The following CNTNAP5 variants were observed in gnomAD, a reference collection of about 807,000 sequenced individuals.
CNTNAP5 encodes contactin-associated protein-like 5.
Under a neutral mutation model 150.2 loss-of-function variants are expected in CNTNAP5, and 72 were observed. The observed-to-expected ratio is 0.48, with a 90% confidence interval of 0.40 to 0.58. The LOEUF is 0.58. CNTNAP5 is among the 20% of genes least tolerant of loss of function. The pLI is 0.00. For synonymous variants in CNTNAP5, 672 were observed against 619.8 expected (o/e 1.08, Z -1.25); for missense variants, 1,636 against 1,626.2 (o/e 1.01, Z -0.10).
intron 18 of CNTNAP5, among the ~76,000 whole-genome samples, chr2:124,791,791 A>G (rs969429090): frequency 4.0e-5 from 6 of 149,074 alleles, no homozygotes; most frequent in African/African-American, 1.5e-4. Context: ...ATGTTGCAAC[A>G]TCTCTGTGCT....
At chr2:124,364,239 C>T (rs1372702906) in intron 3 of CNTNAP5, among the ~76,000 whole-genome samples, 2 of 152,174 alleles carry the variant, frequency 1.3e-5, no homozygotes, top group Non-Finnish European at 2.9e-5. Flanking sequence ...AGGGTCTTTG[C>T]TCTAGCTACT....
intron 1 of CNTNAP5, among the ~76,000 whole-genome samples, chr2:124,219,892 C>G (rs1000721292): frequency 6.6e-6 from 1 of 152,130 alleles, no homozygotes; most frequent in African/African-American, 2.4e-5. Flanking sequence ...TGCCGAGAAA[C>G]CATATCTGCG....
chr2:124,764,986 T>C (rs543990157), intron 16 of CNTNAP5, among the ~76,000 whole-genome samples: 5 of 152,254 alleles, frequency 3.3e-5, no homozygotes, highest in Admixed American at 2.0e-4. Context: ...TTTTTTCATA[T>C]GTTCATGTTC....
chr2:124,589,027 T>G (rs1214610768), intron 11 of CNTNAP5, among the ~76,000 whole-genome samples: 1 of 152,148 alleles, frequency 6.6e-6, no homozygotes, highest in Non-Finnish European at 1.5e-5. Context: ...TTTTCAGGTT[T>G]ATTGAAGCAT....
chr2:124,882,568 A>C (rs1203505126), intron 21 of CNTNAP5, among the ~76,000 whole-genome samples: 2 of 152,106 alleles, frequency 1.3e-5, no homozygotes, highest in Non-Finnish European at 2.9e-5. Flanking sequence ...GATCTTCTCT[A>C]TGAAGGATGA....
intron 4 of CNTNAP5, among the ~76,000 whole-genome samples, chr2:124,429,551 C>T (rs2104789870): frequency 6.6e-6 from 1 of 152,212 alleles, no homozygotes; most frequent in Admixed American, 6.5e-5. Context: ...ATGGCTGGAG[C>T]CTGTTGTGTG....
intron 12 of CNTNAP5, among the ~76,000 whole-genome samples, chr2:124,627,827 T>C (rs1409282101): frequency 1.3e-5 from 2 of 152,144 alleles, no homozygotes; most frequent in African/African-American, 4.8e-5. Flanking sequence ...TGATAAAAGA[T>C]TACAGCAGCT....
At chr2:124,465,768 C>T (rs939317729) in intron 6 of CNTNAP5, among the ~76,000 whole-genome samples, 1 of 152,216 alleles carries the variant, frequency 6.6e-6, no homozygotes, top group Admixed American at 6.5e-5. Flanking sequence ...CCTCATAGTG[C>T]TTGCATTCTA....
At chr2:124,746,361 T>C (rs1355963062) in intron 13 of CNTNAP5, among the ~76,000 whole-genome samples, 1 of 152,156 alleles carries the variant, frequency 6.6e-6, no homozygotes, top group Non-Finnish European at 1.5e-5. Flanking sequence ...AGAAAAAAAT[T>C]GAGAAGGACA....
intron 1 of CNTNAP5, among the ~76,000 whole-genome samples, chr2:124,178,089 C>T (rs781059076): frequency 1.1e-4 from 16 of 151,960 alleles, no homozygotes; most frequent in Admixed American, 2.6e-4. Context: ...TTACGTGATC[C>T]ACCCGCCTCG....
At chr2:124,036,467 A>G (rs10206477) in intron 1 of CNTNAP5, among the ~76,000 whole-genome samples, 22,400 of 151,922 alleles carry the variant, frequency 0.15, 1,830 homozygotes, top group South Asian at 0.29. Context: ...CATGAGTTGT[A>G]CCTTTGAGTG....
At chr2:124,629,760 G>A (rs1677805665) in intron 12 of CNTNAP5, among the ~76,000 whole-genome samples, 1 of 142,244 alleles carries the variant, frequency 7.0e-6, no homozygotes, top group African/African-American at 2.6e-5. Flanking sequence ...AATAATCAAT[G>A]GATCCAGGAG....
At chr2:124,467,159 T>A (rs1693396742) in intron 6 of CNTNAP5, among the ~76,000 whole-genome samples, 1 of 152,198 alleles carries the variant, frequency 6.6e-6, no homozygotes, top group African/African-American at 2.4e-5. Context: ...GTAAAAGACT[T>A]CTAATTGTTC....
chr2:124,185,213 G>A (rs975119859), intron 1 of CNTNAP5, among the ~76,000 whole-genome samples: 3 of 152,138 alleles, frequency 2.0e-5, no homozygotes, highest in Non-Finnish European at 2.9e-5. Context: ...TCAGCCCACA[G>A]TTTCTTCTCC....
chr2:124,198,256 G>A (rs535799200), intron 1 of CNTNAP5, among the ~76,000 whole-genome samples: 60 of 151,606 alleles, frequency 4.0e-4, no homozygotes, highest in Non-Finnish European at 1.6e-4. Flanking sequence ...CTTTCAAATC[G>A]ATTTGTAGAA....
intron 1 of CNTNAP5, among the ~76,000 whole-genome samples, chr2:124,044,902 A>G (rs796931339): frequency 2.8e-5 from 4 of 144,744 alleles, no homozygotes; most frequent in African/African-American, 1.1e-4. Context: ...ACACACACAC[A>G]CACACACACA....
chr2:124,518,709 A>T (rs1220098122), intron 8 of CNTNAP5, among the ~76,000 whole-genome samples: 1 of 152,092 alleles, frequency 6.6e-6, no homozygotes, highest in African/African-American at 2.4e-5. Flanking sequence ...TTAATTGACC[A>T]GGTGTGGTAG....
rs1359901376 is a variant in CNTNAP5 at position 124,242,267 on chromosome 2, A to G, written c.255A>G (p.Arg85=). The change falls in exon 3 of 24, where the codon AGA becomes AGG. Residue 85 remains arginine (R), a synonymous_variant. Transcript: ENST00000682447. ...GGCTCCAGATGGACCTGGGAAACAGAGTAGAGATTACAGCAGTGGCCACGC... is the reference window on the plus strand; with the variant it reads ...GGCTCCAGATGGACCTGGGAAACAGGGTAGAGATTACAGCAGTGGCCACGC... ...QQWLQMDLGN[R]VEITAVATQG... The G allele has an allele frequency of 2.5e-6, 4 of 1,608,550 alleles. No individual in the cohort carries two copies. In the East Asian group the frequency reaches 9.0e-5, roughly 36 times the overall value.
chr2:124,713,921 A>G (rs1679891996), intron 13 of CNTNAP5, among the ~76,000 whole-genome samples: 1 of 152,102 alleles, frequency 6.6e-6, no homozygotes, highest in Non-Finnish European at 1.5e-5. Flanking sequence ...TGTTCTCTGT[A>G]CTTCAACGTT....
Sources: allele counts gnomAD v4.1 joint callset (sites outside exome capture counted in the v4.1 genomes callset), GRCh38; gene constraint gnomAD v4.1.1; transcripts MANE v1.5; gene names NCBI Gene and HGNC (gene_info 2026-07-23, HGNC 2026-07-21).